CHD9: variants seen among roughly 807,000 people sequenced by gnomAD.
CHD9 encodes the protein ATP-dependent chromatin remodeler CHD9.
In CHD9, 77 loss-of-function variants were observed where a neutral mutation model predicts 316.1. The ratio of observed to expected loss-of-function variants is 0.24; its 90% CI spans 0.20 to 0.29. The LOEUF (loss-of-function observed/expected upper bound fraction) is 0.29. Among genes scored for constraint, CHD9 ranks in the 10% least tolerant of loss-of-function variants. CHD9 has a pLI of 1.00. For synonymous variants in CHD9, 1,129 were observed against 1,158.3 expected, an observed-to-expected ratio of 0.97 and a Z score of 0.51; for missense variants, 2,763 against 3,438.1, an observed-to-expected ratio of 0.80 and a Z score of 4.91.
intron 1 of CHD9, among the ~76,000 whole-genome samples, chr16:53,080,263 A>G (rs976062820): frequency 3.3e-5 from 5 of 152,184 alleles, no homozygotes; most frequent in Admixed American, 3.3e-4. Flanking sequence ...TCTTTTTTTT[A>G]TTAACCACTT....
intron 1 of CHD9, among the ~76,000 whole-genome samples, chr16:53,150,816 A>G (rs1026889895): frequency 3.9e-5 from 6 of 152,116 alleles, no homozygotes; most frequent in African/African-American, 1.2e-4. Flanking sequence ...TCTGGCCTTC[A>G]TGGTTTCTGA....
At chr16:53,230,239 G>T (rs965793233) in intron 8 of CHD9, among the ~76,000 whole-genome samples, 1 of 152,124 alleles carries the variant, frequency 6.6e-6, no homozygotes. Flanking sequence ...CCCCAGTACT[G>T]GTGGTTAATC....
intron 4 of CHD9, among the ~76,000 whole-genome samples, chr16:53,225,891 T>G (rs1370089731): frequency 6.6e-6 from 1 of 152,102 alleles, no homozygotes; most frequent in African/African-American, 2.4e-5. Flanking sequence ...CTGATACACT[T>G]TTTAGGTTTT....
chr16:53,082,162 C>T (rs1334445439), intron 1 of CHD9, among the ~76,000 whole-genome samples: 1 of 152,116 alleles, frequency 6.6e-6, no homozygotes, highest in Admixed American at 6.6e-5. Flanking sequence ...ACTTAGTTCT[C>T]CATCCTGTAT....
intron 22 of CHD9, among the ~76,000 whole-genome samples, chr16:53,272,740 G>A (rs376864380): frequency 1.3e-5 from 2 of 151,950 alleles, no homozygotes; most frequent in East Asian, 1.9e-4. Context: ...ATCCAACATA[G>A]GTAATAATAG....
chr16:53,157,265 T>C lies in CHD9; in HGVS notation c.1176T>C (p.His392=). The C allele has an allele frequency of 2.5e-6, 4 of 1,604,952 alleles. No individual in the cohort carries two copies. Among genetic ancestry groups the C allele is most frequent in the Non-Finnish European group, 3.4e-6 (4 of 1,175,104 alleles). Residue 392 remains histidine, a synonymous_variant, in exon 2 of 39, where the codon CAT becomes CAC. Transcript: ENST00000447540. ...CATCTTTAGAAGAGAATTTACTTCA[T>C]CAAGTGGAATCTCAAACTGAGCCAT... is the stretch of plus-strand genomic sequence containing the variant. ...GFSSLEENLL[H]QVESQTEPFT... is the part of the protein sequence containing the mutation.
chr16:53,311,261 A>T (rs1464481838), intron 34 of CHD9: 1 of 152,008 alleles, frequency 6.6e-6, no homozygotes, highest in Non-Finnish European at 1.5e-5. Context: ...TAGAGTTATT[A>T]TCTAAGCATT....
rs58174237 is a variant in CHD9, at chr16:53,213,899, T to A, written c.1784+4086T>A. ...TTGTCCTTTATGATTAAACTCTTCC[T>A]TTTTGTATTAACCATAATTATCCTT... is the stretch of plus-strand genomic sequence containing the variant. On this transcript the variant is annotated intron_variant, in intron 3 of 38. Coordinates refer to ENST00000447540, the MANE Select transcript of CHD9 (RefSeq NM_001308319.2). 3.8e-3 allele frequency among the ~76,000 whole-genome samples: 582 copies of A among 152,282 alleles called. 1 individual carries two copies. The highest frequency in any genetic ancestry group is 0.037 in the Middle Eastern group (11 of 294).
chr16:53,241,699 G>T (rs1395194927), intron 12 of CHD9, among the ~76,000 whole-genome samples: 3 of 152,058 alleles, frequency 2.0e-5, no homozygotes, highest in African/African-American at 7.2e-5. Flanking sequence ...AATCCTGTTG[G>T]CTCTACTTTC....
intron 2 of CHD9, among the ~76,000 whole-genome samples, chr16:53,184,006 G>A (rs1213038273): frequency 2.0e-5 from 3 of 151,138 alleles, no homozygotes; most frequent in East Asian, 2.0e-4. Context: ...GTGCAGTGGC[G>A]TGATCTCGGC....
At chr16:53,115,083 G>T (rs1208097161) in intron 1 of CHD9, among the ~76,000 whole-genome samples, 1 of 152,158 alleles carries the variant, frequency 6.6e-6, no homozygotes, top group Non-Finnish European at 1.5e-5. Context: ...ATTAACTTAG[G>T]TTACTTGAAT....
At chr16:53,215,190 A>G (rs2046650236) in intron 3 of CHD9, among the ~76,000 whole-genome samples, 1 of 152,230 alleles carries the variant, frequency 6.6e-6, no homozygotes, top group South Asian at 2.1e-4. Flanking sequence ...TGCTGGGATT[A>G]CAGGCATAAG....
intron 3 of CHD9, among the ~76,000 whole-genome samples, chr16:53,219,233 T>C (rs1280061854): frequency 6.6e-6 from 1 of 152,262 alleles, no homozygotes; most frequent in African/African-American, 2.4e-5. Flanking sequence ...TGGGTGCATA[T>C]TGAGGTTGTG....
intron 32 of CHD9, among the ~76,000 whole-genome samples, chr16:53,307,367 A>G (rs551349276): frequency 5.3e-5 from 8 of 152,008 alleles, no homozygotes; most frequent in South Asian, 4.2e-4. Context: ...GGGTTTTGCT[A>G]TGTTTCCCAG....
rs1777192153 is a variant in CHD9, at chr16:53,321,457, T to C, written c.7714-69T>C. On this transcript the variant is annotated intron_variant, in intron 37 of 38. Transcript: ENST00000447540. ...TTAAGGAAATAAACTCTGTAGAGCA[T>C]ACAATAAAAGCAATCAAGAGTTTTC... 38 of 1,451,496 alleles carry C rather than the reference T, an allele frequency of 2.6e-5. No individual in the cohort carries two copies. The South Asian group carries it at 5.1e-4, about 19-fold the overall frequency. 89.9% of individuals were successfully genotyped at this position (1,451,496 alleles called of 1,614,324 possible). A position where few individuals can be genotyped will look rare whatever the true frequency, so the allele number is the denominator to read the frequency against.
intron 3 of CHD9, among the ~76,000 whole-genome samples, chr16:53,215,734 A>G (rs2046704697): frequency 6.6e-6 from 1 of 152,230 alleles, no homozygotes; most frequent in South Asian, 2.1e-4. Context: ...GAGAGAATCA[A>G]CAGGGGGCAA....
At chr16:53,205,120 C>T (rs1027488881) in intron 2 of CHD9, among the ~76,000 whole-genome samples, 4 of 152,190 alleles carry the variant, frequency 2.6e-5, no homozygotes, top group Non-Finnish European at 5.9e-5. Context: ...GGATTACAGG[C>T]ATGAGCCACC....
rs77306133 is a variant in CHD9, at chr16:53,230,615, G to C, written c.2287-804G>C. On this transcript the variant is annotated intron_variant, in intron 8 of 38. Coordinates refer to ENST00000447540, the MANE Select transcript of CHD9 (RefSeq NM_001308319.2). ...GTAATAATCATTAAATTTTCATTAA[G>C]ACTAATTAGGGGAGAGTCGGTGAAG... Among the ~76,000 whole-genome samples the C allele has an allele frequency of 2.8e-3, 428 of 152,210 alleles. 1 individual carries two copies. Among genetic ancestry groups the C allele is most frequent in the African/African-American group, 0.01 (417 of 41,534 alleles).
rs1453314717 is a variant in CHD9 at position 53,209,548 on chromosome 16, G to A, written c.1519G>A (p.Val507Ile). The change falls in exon 3 of 39, where the codon GTC becomes ATC. Residue 507 changes from valine (V) to isoleucine (I), a missense_variant. Physicochemically the swap from Val to Ile is conservative, Grantham distance 29. Around this residue, in one of 15 missense-constraint regions of CHD9, gnomAD observed 859 missense variants for 890.4 expected, o/e 0.96. Coordinates refer to ENST00000447540, the MANE Select transcript of CHD9 (RefSeq NM_001308319.2). ...TAAGTTGCAGAATACCCAGGTGAGGGTCATGTCTGAGAAGAAGCAGAGAAA... is the reference window on the plus strand; with the variant it reads ...TAAGTTGCAGAATACCCAGGTGAGGATCATGTCTGAGAAGAAGCAGAGAAA... The part of the protein sequence containing the change: ...YTKLQNTQVR[V>I]MSEKKQRKKV... The A allele has an allele frequency of 1.2e-6, 2 of 1,613,830 alleles. No homozygotes were observed. Among genetic ancestry groups the A allele is most frequent in the East Asian group, 4.5e-5 (2 of 44,858 alleles).
Sources: allele counts gnomAD v4.1 joint callset (sites outside exome capture counted in the v4.1 genomes callset), GRCh38; gene constraint gnomAD v4.1.1; regional missense constraint gnomAD v4.1.1; transcripts MANE v1.5; gene names NCBI Gene and HGNC (gene_info 2026-07-23, HGNC 2026-07-21).